The following KANK1 variants were observed in gnomAD, a reference collection of about 807,000 sequenced individuals.
KANK1 encodes KN motif and ankyrin repeat domain-containing protein 1.
Under a neutral mutation model 106.2 loss-of-function variants are expected in KANK1, and 109 were observed. The ratio of observed to expected loss-of-function variants is 1.03; its 90% confidence interval spans 0.88 to 1.20. KANK1 has a LOEUF of 1.20. Ranked by LOEUF, KANK1 falls within the 50% of genes most tolerant of loss-of-function variation. The pLI is 0.00. For missense variants in KANK1, 2,399 were observed against 1,710.7 expected (o/e 1.40, Z -7.10); for synonymous variants, 873 against 652.2 (o/e 1.34, Z -5.16).
intron 1 of KANK1, among the ~76,000 whole-genome samples, chr9:574,784 G>T (rs1820112119): frequency 6.6e-6 from 1 of 150,846 alleles, no homozygotes; most frequent in African/African-American, 2.4e-5. Flanking sequence ...ACCCTGCGAG[G>T]TGGGAGGTTG....
intron 1 of KANK1, among the ~76,000 whole-genome samples, chr9:536,824 C>A (rs1445311399): frequency 6.6e-6 from 1 of 152,176 alleles, no homozygotes; most frequent in Non-Finnish European, 1.5e-5. Context: ...GCCTGCCACA[C>A]ATGATAAGGT....
At chr9:592,668 T>G (rs1390654455) in intron 1 of KANK1, among the ~76,000 whole-genome samples, 2 of 151,944 alleles carry the variant, frequency 1.3e-5, no homozygotes, top group Non-Finnish European at 2.9e-5. Context: ...TATGGTTTCA[T>G]CTCACATTTT....
intron 3 of KANK1, among the ~76,000 whole-genome samples, chr9:499,104 G>A (rs989371841): frequency 6.6e-6 from 1 of 150,602 alleles, no homozygotes; most frequent in Admixed American, 6.6e-5. Flanking sequence ...CATGAACCTG[G>A]GAGGCGGAGC....
At chr9:589,323 G>A (rs572754944) in intron 1 of KANK1, among the ~76,000 whole-genome samples, 2 of 152,268 alleles carry the variant, frequency 1.3e-5, no homozygotes, top group Non-Finnish European at 1.5e-5. Context: ...TGTACTCTGG[G>A]CCTTCTGACT....
chr9:742,439 G>T (rs754410475), intron 10 of KANK1, 34 bp downstream of exon 10: 8 of 1,559,018 alleles, frequency 5.1e-6, no homozygotes, highest in Non-Finnish European at 7.0e-6. Flanking sequence ...CTGGCCAGGG[G>T]TCTGGGGGAC....
chr9:691,989 G>C (rs1820057483), intron 2 of KANK1, among the ~76,000 whole-genome samples: 1 of 152,074 alleles, frequency 6.6e-6, no homozygotes, highest in Non-Finnish European at 1.5e-5. Flanking sequence ...AGTTGAACAA[G>C]ATTTACTGAA....
chr9:726,416 A>G (rs142353150), intron 3 of KANK1, among the ~76,000 whole-genome samples: 1 of 152,184 alleles, frequency 6.6e-6, no homozygotes, highest in African/African-American at 2.4e-5. Context: ...AGGCGGGTGG[A>G]TCACCTGAGG....
At chr9:537,552 T>A (rs1409382867) in intron 1 of KANK1, among the ~76,000 whole-genome samples, 1 of 152,070 alleles carries the variant, frequency 6.6e-6, no homozygotes, top group Non-Finnish European at 1.5e-5. Flanking sequence ...CTTGATTGAT[T>A]CATATGTTGA....
At chr9:600,008 A>T (rs1176708566) in intron 1 of KANK1, among the ~76,000 whole-genome samples, 6 of 151,860 alleles carry the variant, frequency 4.0e-5, no homozygotes, top group African/African-American at 7.3e-5. Flanking sequence ...AGAATTGCTG[A>T]GGCAAAAAAA....
In KANK1 at chr9:730,045, T is replaced by G. The variant is rs1042801161; in HGVS notation, c.2699-6T>G. 6.2e-7 allele frequency: 1 copy of G among 1,613,544 alleles called. No individual in the cohort carries two copies. The highest frequency in any genetic ancestry group is 1.1e-5 in the South Asian group (1 of 91,026). On this transcript the variant is annotated splice_polypyrimidine_tract_variant and splice_region_variant and intron_variant, in intron 3 of 11. Coordinates refer to ENST00000382297, the MANE Select transcript of KANK1 (RefSeq NM_015158.5). ...ACACACTCTGTACCTTTCTTTTTCC[T>G]GATAGGCAATTATTTGGGATATACC...
At chr9:707,317 C>A in intron 2 of KANK1, 2 of 835,516 alleles carry the variant, frequency 2.4e-6, no homozygotes, top group Non-Finnish European at 2.9e-6. Flanking sequence ...GCGAGGGGGG[C>A]CGGCCGGGAA....
intron 1 of KANK1, among the ~76,000 whole-genome samples, chr9:651,524 A>G (rs1840877988): frequency 6.6e-6 from 1 of 152,206 alleles, no homozygotes; most frequent in African/African-American, 2.4e-5. Flanking sequence ...CATTGGATAC[A>G]TCCTCTGTTG....
intron 1 of KANK1, among the ~76,000 whole-genome samples, chr9:516,536 T>TC (rs1359743975): frequency 6.6e-6 from 1 of 151,534 alleles, no homozygotes; most frequent in African/African-American, 2.4e-5. Context: ...TGGGTCTTTA[T>TC]TAGAGTCAGT....
chr9:565,788 C>T (rs1256218374), intron 1 of KANK1, among the ~76,000 whole-genome samples: 1 of 152,292 alleles, frequency 6.6e-6, no homozygotes, highest in Non-Finnish European at 1.5e-5. Context: ...ATGCTATTTA[C>T]CACAGTAATT....
chr9:671,922 TG>T (rs1815245405), intron 1 of KANK1, among the ~76,000 whole-genome samples: 2 of 152,238 alleles, frequency 1.3e-5, no homozygotes, highest in South Asian at 4.1e-4. Context: ...CACTCCAGCC[TG>T]GGCTACAGAG....
At chr9:529,500 C>G (rs1161850109) in intron 1 of KANK1, among the ~76,000 whole-genome samples, 1 of 16,322 alleles carries the variant, frequency 6.1e-5, no homozygotes, top group Non-Finnish European at 1.0e-4. Flanking sequence ...CGCCCGGCCT[C>G]ATACATATTT....
intron 3 of KANK1, among the ~76,000 whole-genome samples, chr9:494,428 T>C (rs1312253143): frequency 6.6e-6 from 1 of 150,484 alleles, no homozygotes; most frequent in Non-Finnish European, 1.5e-5. Context: ...AATTCTCCCC[T>C]GTTACTGTGT....
chr9:657,279 G>C (rs2137865681), intron 1 of KANK1, among the ~76,000 whole-genome samples: 1 of 152,254 alleles, frequency 6.6e-6, no homozygotes, highest in South Asian at 2.1e-4. Context: ...TCTGTTAATG[G>C]ACTTTTAGGT....
intron 1 of KANK1, among the ~76,000 whole-genome samples, chr9:662,346 C>T (rs977390206): frequency 2.0e-5 from 3 of 152,006 alleles, no homozygotes; most frequent in Non-Finnish European, 4.4e-5. Context: ...CATATGGAAC[C>T]AAAAAAGAGC....
Sources: allele counts gnomAD v4.1 joint callset (sites outside exome capture counted in the v4.1 genomes callset), GRCh38; gene constraint gnomAD v4.1.1; transcripts MANE v1.5; gene names NCBI Gene and HGNC (gene_info 2026-07-23, HGNC 2026-07-21).